ADGRL2: variants seen among roughly 807,000 people sequenced by gnomAD.
ADGRL2 encodes the protein adhesion G protein-coupled receptor L2.
Under a neutral mutation model 157.4 loss-of-function variants are expected in ADGRL2, and 44 were observed. The observed-to-expected ratio is 0.28, with a 90% CI of 0.22 to 0.36. ADGRL2 has a LOEUF of 0.36. ADGRL2 is among the 10% of genes least tolerant of loss of function. ADGRL2 has a pLI of 1.00. For synonymous variants in ADGRL2, 585 were observed against 624.7 expected (o/e 0.94, Z 0.95); for missense variants, 1,510 against 1,768.9 (o/e 0.85, Z 2.63).
At chr1:81,538,561 G>A (rs191054975) in intron 2 of ADGRL2, among the ~76,000 whole-genome samples, 1 of 152,156 alleles carries the variant, frequency 6.6e-6, no homozygotes, top group Non-Finnish European at 1.5e-5. Flanking sequence ...AAATAGAGTA[G>A]TGAGATTCTT....
intron 1 of ADGRL2, among the ~76,000 whole-genome samples, chr1:81,362,679 G>T (rs984226617): frequency 2.0e-5 from 3 of 151,754 alleles, no homozygotes; most frequent in African/African-American, 7.3e-5. Flanking sequence ...GGTCCTTATT[G>T]TTTTTTAACT....
At chr1:81,622,577 T>A (rs1299438090) in intron 3 of ADGRL2, among the ~76,000 whole-genome samples, 21 of 151,438 alleles carry the variant, frequency 1.4e-4, no homozygotes, top group Admixed American at 1.4e-3. Flanking sequence ...TGAGACCCCG[T>A]CTCAAAACAA....
chr1:81,721,812 T>C (rs2084333210), intron 1 of ADGRL2: 10 of 1,027,006 alleles, frequency 9.7e-6, no homozygotes, highest in Non-Finnish European at 1.5e-5. Context: ...GGCGGTAAAG[T>C]ACCACCTGCT....
At chr1:81,504,601 G>A (rs912642256) in intron 2 of ADGRL2, among the ~76,000 whole-genome samples, 1 of 152,118 alleles carries the variant, frequency 6.6e-6, no homozygotes, top group Non-Finnish European at 1.5e-5. Context: ...CTTCCCTCAA[G>A]CCCAGTGAGG....
chr1:81,578,145 G>A (rs573575443), intron 2 of ADGRL2, among the ~76,000 whole-genome samples: 15 of 152,248 alleles, frequency 9.9e-5, no homozygotes, highest in African/African-American at 3.6e-4. Context: ...GGATAGCTTT[G>A]TAATAGTTAT....
At chr1:81,757,674 C>T (rs1230606574) in intron 1 of ADGRL2, among the ~76,000 whole-genome samples, 1 of 152,190 alleles carries the variant, frequency 6.6e-6, no homozygotes, top group Non-Finnish European at 1.5e-5. Flanking sequence ...GCCCGAATCA[C>T]GAATTGTTCA....
intron 3 of ADGRL2, among the ~76,000 whole-genome samples, chr1:81,932,628 G>T (rs777077600): frequency 6.6e-6 from 1 of 152,158 alleles, no homozygotes; most frequent in African/African-American, 2.4e-5. Flanking sequence ...ATCTGAGATG[G>T]CTGGGTTTCC....
At chr1:81,900,580 T>G (rs1183306221) in intron 2 of ADGRL2, among the ~76,000 whole-genome samples, 1 of 152,146 alleles carries the variant, frequency 6.6e-6, no homozygotes, top group Admixed American at 6.5e-5. Flanking sequence ...ATCCTTTGGT[T>G]GTAGTTCCAG....
intron 2 of ADGRL2, among the ~76,000 whole-genome samples, chr1:81,491,304 G>T (rs972345233): frequency 6.6e-6 from 1 of 152,140 alleles, no homozygotes; most frequent in African/African-American, 2.4e-5. Flanking sequence ...ACAGTAACTA[G>T]CAGGAGGCAT....
At chr1:81,435,452 C>T (rs4520454) in intron 1 of ADGRL2, among the ~76,000 whole-genome samples, 25,095 of 152,094 alleles carry the variant, frequency 0.16, 2,621 homozygotes, top group East Asian at 0.58. Context: ...TGCTGATTGT[C>T]GAGAGTTCAA....
intron 2 of ADGRL2, among the ~76,000 whole-genome samples, chr1:81,578,250 G>T (rs1325299141): frequency 6.6e-6 from 1 of 152,110 alleles, no homozygotes; most frequent in Non-Finnish European, 1.5e-5. Flanking sequence ...CTGGTATCCA[G>T]GTACACAGGT....
chr1:81,395,001 C>A (rs2076629857), intron 1 of ADGRL2, among the ~76,000 whole-genome samples: 1 of 152,036 alleles, frequency 6.6e-6, no homozygotes, highest in Non-Finnish European at 1.5e-5. Context: ...CAGGTTCAAG[C>A]AATTCTCATG....
rs762754075 is a variant in ADGRL2 at position 81,955,972 on chromosome 1, G to A, written c.1929G>A (p.Met643Ile). 1 of 1,611,380 alleles carries A rather than the reference G, an allele frequency of 6.2e-7. No homozygotes were observed. The highest frequency in any genetic ancestry group is 1.7e-5 in the Admixed American group (1 of 59,540). ...CTGAACAAGCACATACTGCAACAATGTTACTCGATACATTGGAAGAAGGAG... is the reference window on the plus strand; with the variant it reads ...CTGAACAAGCACATACTGCAACAATATTACTCGATACATTGGAAGAAGGAG... ...NSSEQAHTAT[M>I]LLDTLEEGAF... is the part of the protein sequence containing the mutation. The change falls in exon 11 of 24, where the codon ATG becomes ATA. Residue 643 changes from methionine to isoleucine, a missense_variant. By Grantham distance (10) the Met-to-Ile change is conservative. Transcript: ENST00000686636.
At chr1:81,306,683 A>T (rs748709253) in intron 1 of ADGRL2, among the ~76,000 whole-genome samples, 1 of 152,150 alleles carries the variant, frequency 6.6e-6, no homozygotes, top group Admixed American at 6.5e-5. Context: ...AGTGCTGGGT[A>T]TTATAATGTT....
intron 17 of ADGRL2, among the ~76,000 whole-genome samples, chr1:81,979,081 C>T (rs1029516449): frequency 4.0e-5 from 6 of 151,642 alleles, no homozygotes; most frequent in African/African-American, 1.5e-4. Context: ...CAACCTTTGT[C>T]TCTCAGTCAA....
At chr1:81,598,313 G>A (rs1048629824) in intron 3 of ADGRL2, among the ~76,000 whole-genome samples, 4 of 152,148 alleles carry the variant, frequency 2.6e-5, no homozygotes, top group Non-Finnish European at 4.4e-5. Context: ...TAGATTCCTG[G>A]ATAGAGTAAA....
chr1:81,716,163 T>C (rs1379303170), intron 1 of ADGRL2, among the ~76,000 whole-genome samples: 1 of 152,190 alleles, frequency 6.6e-6, no homozygotes. Context: ...ATTTCTAGCC[T>C]TAAAGAAAGT....
chr1:81,448,137 C>CTTTTTTTTTTTTT (rs1168945231), intron 2 of ADGRL2, among the ~76,000 whole-genome samples: 59 of 83,496 alleles, frequency 7.1e-4, no homozygotes, highest in East Asian at 1.9e-3. Flanking sequence ...TTCTTTCTTT[C>CTTTTTTTTTTTTT]TTTTTTTTTT....
chr1:81,971,958 C>T (rs1572445009), intron 17 of ADGRL2, 40 bp downstream of exon 17: 2 of 1,314,134 alleles, frequency 1.5e-6, no homozygotes, highest in Non-Finnish European at 2.2e-6. Context: ...TAGCTTGCTG[C>T]TTTAGCAGTG....
Sources: gnomAD v4.1 joint callset for allele counts (sites outside exome capture counted in the v4.1 genomes callset) on GRCh38, gnomAD v4.1.1 for gene constraint, MANE v1.5 for transcripts, NCBI Gene and HGNC (gene_info 2026-07-23, HGNC 2026-07-21) for gene names.